NTM: variants seen among roughly 807,000 people sequenced by gnomAD.
NTM encodes the protein neurotrimin, also known as IgLON family member 2.
In NTM, 13 loss-of-function variants were observed where a neutral mutation model predicts 42.1. That is an observed-to-expected ratio of 0.31 (90% CI 0.20 to 0.49). NTM has a LOEUF of 0.49. Among genes scored for constraint, NTM ranks in the 20% least tolerant of loss-of-function variants. The pLI is 0.99. For synonymous variants in NTM, 187 were observed against 179.2 expected, an observed-to-expected ratio of 1.04 and a Z score of -0.35; for missense variants, 373 against 452.8, an observed-to-expected ratio of 0.82 and a Z score of 1.60.
At chr11:132,148,663 A>C (rs893606359) in intron 3 of NTM, among the ~76,000 whole-genome samples, 4 of 151,916 alleles carry the variant, frequency 2.6e-5, no homozygotes, top group Non-Finnish European at 5.9e-5. Context: ...ACTCACACAC[A>C]CCCCCACACC....
intron 2 of NTM, among the ~76,000 whole-genome samples, chr11:132,138,374 G>A (rs1486108542): frequency 6.6e-6 from 1 of 152,176 alleles, no homozygotes; most frequent in Non-Finnish European, 1.5e-5. Context: ...TGACCTTGGT[G>A]TGGCATAGGA....
At chr11:131,901,763 G>C (rs1452819775) in intron 1 of NTM, among the ~76,000 whole-genome samples, 1 of 152,172 alleles carries the variant, frequency 6.6e-6, no homozygotes, top group Non-Finnish European at 1.5e-5. Flanking sequence ...TTCATGTGTT[G>C]TGGTTTATTC....
intron 1 of NTM, among the ~76,000 whole-genome samples, chr11:131,788,674 T>A (rs1468294289): frequency 6.6e-6 from 1 of 152,182 alleles, no homozygotes; most frequent in Non-Finnish European, 1.5e-5. Flanking sequence ...CCTCATTAGA[T>A]GTAATATTTG....
At position 132,003,994 on chromosome 11, in the gene NTM, A is replaced by G. The variant is rs2070098594; in HGVS notation, c.167+92346A>G. Among the ~76,000 whole-genome samples, 1 of 152,216 alleles carries G rather than the reference A, an allele frequency of 6.6e-6. No individual in the cohort carries two copies. Among genetic ancestry groups the G allele is most frequent in the African/African-American group, 2.4e-5 (1 of 41,450 alleles). ...TCAACCATTAGCATAATGTATTAGC[A>G]TATCTATAGCACAATTATATTTTGA... On this transcript the variant is annotated intron_variant, in intron 2 of 8. Coordinates refer to ENST00000683400, the MANE Select transcript of NTM (RefSeq NM_001352005.2). The surrounding 1 kb of genome is among the most constrained non-coding windows in gnomAD (Gnocchi z 6.0).
intron 2 of NTM, among the ~76,000 whole-genome samples, chr11:132,001,267 G>A (rs1593575738): frequency 6.6e-6 from 1 of 152,176 alleles, no homozygotes; most frequent in Admixed American, 6.5e-5. Flanking sequence ...CAAAGATGAT[G>A]CAAAGATGGT....
At chr11:132,219,690 GATA>G (rs1436648332) in intron 4 of NTM, among the ~76,000 whole-genome samples, 2 of 151,790 alleles carry the variant, frequency 1.3e-5, no homozygotes, top group South Asian at 2.1e-4. Flanking sequence ...GTGAAATAGA[GATA>G]ATAATACCTT....
chr11:131,891,870 G>A (rs77021696), intron 1 of NTM, among the ~76,000 whole-genome samples: 11 of 152,088 alleles, frequency 7.2e-5, no homozygotes, highest in African/African-American at 1.9e-4. Context: ...ATTCTCATTC[G>A]TCTGCTCCTG....
intron 2 of NTM, among the ~76,000 whole-genome samples, chr11:132,046,236 C>A (rs750500999): frequency 1.3e-5 from 2 of 152,180 alleles, no homozygotes; most frequent in Admixed American, 1.3e-4. Flanking sequence ...CTAATGCTGA[C>A]AGTTCATGCT....
At chr11:132,302,284 TTTAAA>T (rs1368557035) in intron 4 of NTM, among the ~76,000 whole-genome samples, 3 of 152,214 alleles carry the variant, frequency 2.0e-5, no homozygotes, top group Admixed American at 1.3e-4. Context: ...GATCTACACT[TTTAAA>T]TTAAGGATGC....
At chr11:131,693,004 A>G (rs59036618) in intron 1 of NTM, among the ~76,000 whole-genome samples, 10,804 of 151,638 alleles carry the variant, frequency 0.071, 1,334 homozygotes, top group African/African-American at 0.24. Context: ...TATTTATAGT[A>G]GTAATGGCAG....
intron 1 of NTM, among the ~76,000 whole-genome samples, chr11:131,584,374 A>T (rs370444743): frequency 1.3e-5 from 2 of 152,178 alleles, no homozygotes; most frequent in African/African-American, 4.8e-5. Flanking sequence ...TACGAAGATT[A>T]ATTAGAAGCG....
chr11:132,090,550 T>C (rs2060259417), intron 2 of NTM, among the ~76,000 whole-genome samples: 1 of 152,154 alleles, frequency 6.6e-6, no homozygotes, highest in South Asian at 2.1e-4. Context: ...CTTCAGTCAC[T>C]GAATCAGAAA....
intron 1 of NTM, among the ~76,000 whole-genome samples, chr11:131,792,118 T>C (rs1349215002): frequency 6.6e-6 from 1 of 152,186 alleles, no homozygotes; most frequent in Non-Finnish European, 1.5e-5. Flanking sequence ...TCAGAAATGA[T>C]ACAATTTTAA....
At chr11:131,531,151 CT>C (rs1249897448) in intron 1 of NTM, among the ~76,000 whole-genome samples, 1 of 152,188 alleles carries the variant, frequency 6.6e-6, no homozygotes. Flanking sequence ...ATTTTTAATT[CT>C]TTTAGACAGG....
chr11:131,671,375 C>T (rs1373490473), intron 1 of NTM: 1 of 955,788 alleles, frequency 1.0e-6, no homozygotes, highest in Non-Finnish European at 1.2e-6. Context: ...AGGCCAGGGA[C>T]ACCTGTCTCC....
intron 3 of NTM, among the ~76,000 whole-genome samples, chr11:132,198,312 C>T (rs960549285): frequency 6.6e-6 from 1 of 152,134 alleles, no homozygotes; most frequent in African/African-American, 2.4e-5. Context: ...CTAAAGTGAT[C>T]CAGCCTCCTG....
chr11:131,455,397 A>G (rs1162481282), intron 1 of NTM: 1 of 152,206 alleles, frequency 6.6e-6, no homozygotes, highest in Admixed American at 6.5e-5. Flanking sequence ...CACTGAGCTC[A>G]AGTTCTGGCT....
At chr11:132,162,970 A>G (rs945022805) in intron 3 of NTM, among the ~76,000 whole-genome samples, 1 of 152,062 alleles carries the variant, frequency 6.6e-6, no homozygotes, top group East Asian at 1.9e-4. Context: ...GCAGCTACTC[A>G]AAGGGGCTGA....
chr11:131,609,968 A>C (rs1356576682), intron 1 of NTM, among the ~76,000 whole-genome samples: 1 of 152,162 alleles, frequency 6.6e-6, no homozygotes, highest in African/African-American at 2.4e-5. Context: ...GCTCTTTGTA[A>C]CAGGAGAAAC....
Sources: allele counts gnomAD v4.1 joint callset (sites outside exome capture counted in the v4.1 genomes callset), GRCh38; gene constraint gnomAD v4.1.1; non-coding constraint Gnocchi (gnomAD v3.1); transcripts MANE v1.5; gene names NCBI Gene and HGNC (gene_info 2026-07-23, HGNC 2026-07-21).